EYS: variants seen among roughly 807,000 people sequenced by gnomAD.
EYS encodes the protein protein eyes shut homolog.
EYS carries 250 observed loss-of-function variants against 282.1 expected under a neutral mutation model. The ratio of observed to expected loss-of-function variants is 0.89; its 90% CI spans 0.80 to 0.98. The LOEUF is 0.98. EYS is among the 50% of genes least tolerant of loss of function. The pLI, the probability that EYS is intolerant of heterozygous loss-of-function variation, is 0.00. For missense variants in EYS, 4,016 were observed against 3,709.0 expected, an observed-to-expected ratio of 1.08 and a Z score of -2.15; for synonymous variants, 1,355 against 1,282.9, an observed-to-expected ratio of 1.06 and a Z score of -1.20.
At chr6:64,379,872 AT>A (rs1344450083) in intron 29 of EYS, among the ~76,000 whole-genome samples, 3 of 152,172 alleles carry the variant, frequency 2.0e-5, no homozygotes, top group Non-Finnish European at 4.4e-5. Flanking sequence ...ACTTAAAAAA[AT>A]AACGTAGTCC....
intron 12 of EYS, among the ~76,000 whole-genome samples, chr6:65,110,752 A>T (rs6931057): frequency 1.3e-5 from 2 of 151,896 alleles, no homozygotes; most frequent in African/African-American, 4.8e-5. Flanking sequence ...TGGATGTAGC[A>T]TTGTGTCAAG....
At position 64,164,248 on chromosome 6, in the gene EYS, T is replaced by C. The variant is rs140428598; in HGVS notation, c.6424+66344A>G. ...TTTATCCCAGCACAGAGTTTGTTTT[T>C]TAGTTGCTTTAAAACGGAGACTATA... On this transcript the variant is annotated intron_variant, in intron 31 of 42. Coordinates refer to ENST00000503581, the MANE Select transcript of EYS (RefSeq NM_001142800.2). Among the ~76,000 whole-genome samples the C allele has an allele frequency of 9.0e-4, 137 of 152,244 alleles. 3 individuals are homozygous for C. The East Asian group carries it at 0.023, about 25-fold the overall frequency.
At chr6:63,794,997 GGAAGTGACTCTACAT>G (rs1770608125) in intron 37 of EYS, among the ~76,000 whole-genome samples, 1 of 152,180 alleles carries the variant, frequency 6.6e-6, no homozygotes. Flanking sequence ...GGAAACAATA[GGAAGTGACTCTACAT>G]GAATAGTAGT....
chr6:64,386,904 T>G (rs681665), intron 29 of EYS, among the ~76,000 whole-genome samples: 89,532 of 151,938 alleles, frequency 0.59, 27,439 homozygotes, highest in Non-Finnish European at 0.68. Context: ...GCTATCAGAG[T>G]GAACATAGCA....
intron 12 of EYS, among the ~76,000 whole-genome samples, chr6:65,168,771 G>A (rs975139444): frequency 2.6e-5 from 4 of 151,068 alleles, no homozygotes; most frequent in African/African-American, 7.3e-5. Context: ...CTTTCAAGAC[G>A]GGATTTTACT....
At chr6:64,996,887 G>A (rs948065450) in intron 14 of EYS, among the ~76,000 whole-genome samples, 2 of 152,140 alleles carry the variant, frequency 1.3e-5, no homozygotes, top group African/African-American at 4.8e-5. Flanking sequence ...CTGTTGTTAA[G>A]TAACAAACTA....
chr6:64,735,703 A>G (rs1414279977), intron 22 of EYS, among the ~76,000 whole-genome samples: 1 of 152,204 alleles, frequency 6.6e-6, no homozygotes, highest in Non-Finnish European at 1.5e-5. Flanking sequence ...AATATTTACA[A>G]TTGTTACAAT....
At chr6:65,243,616 T>C (rs989822810) in intron 12 of EYS, among the ~76,000 whole-genome samples, 1 of 152,226 alleles carries the variant, frequency 6.6e-6, no homozygotes, top group African/African-American at 2.4e-5. Flanking sequence ...TTTTTTTCTT[T>C]TTTTATAAAT....
At chr6:64,217,453 C>A (rs758041037) in intron 31 of EYS, among the ~76,000 whole-genome samples, 12 of 152,092 alleles carry the variant, frequency 7.9e-5, no homozygotes, top group Non-Finnish European at 1.8e-4. Context: ...CCCTTGAACC[C>A]AGGAGACAGA....
At chr6:64,982,578 G>T (rs192818942) in intron 14 of EYS, among the ~76,000 whole-genome samples, 2 of 151,128 alleles carry the variant, frequency 1.3e-5, no homozygotes, top group African/African-American at 2.4e-5. Flanking sequence ...TTGGCAGAAG[G>T]CTGACTAAAT....
intron 1 of EYS, among the ~76,000 whole-genome samples, chr6:65,648,258 CAA>C (rs374151844): frequency 9.3e-5 from 14 of 150,608 alleles, no homozygotes; most frequent in African/African-American, 3.4e-4. Context: ...TCTGCAATTG[CAA>C]AAAATGGAAT....
chr6:64,357,002 A>C (rs139219184), intron 29 of EYS, among the ~76,000 whole-genome samples: 2 of 151,714 alleles, frequency 1.3e-5, no homozygotes, highest in Non-Finnish European at 3.0e-5. Flanking sequence ...AAATATACTT[A>C]AAATGCTATT....
chr6:64,120,700 A>T (rs1582298288), intron 31 of EYS, among the ~76,000 whole-genome samples: 1 of 152,304 alleles, frequency 6.6e-6, no homozygotes, highest in Middle Eastern at 3.4e-3. Context: ...GATGGTGCTT[A>T]TAGGAACATA....
chr6:63,943,222 C>A (rs1442266046), intron 35 of EYS, among the ~76,000 whole-genome samples: 1 of 152,086 alleles, frequency 6.6e-6, no homozygotes, highest in African/African-American at 2.4e-5. Context: ...ACAACAAAAA[C>A]AATAGAAAGA....
At chr6:64,411,370 G>A (rs1366104190) in intron 28 of EYS, among the ~76,000 whole-genome samples, 1 of 151,964 alleles carries the variant, frequency 6.6e-6, no homozygotes, top group Non-Finnish European at 1.5e-5. Context: ...CAAATTTGGA[G>A]AATTAAATAA....
intron 1 of EYS, among the ~76,000 whole-genome samples, chr6:65,686,951 C>T (rs974346040): frequency 6.6e-6 from 1 of 151,054 alleles, no homozygotes; most frequent in Non-Finnish European, 1.5e-5. Flanking sequence ...CTATTTAAAT[C>T]GATTTTATTA....
intron 26 of EYS, among the ~76,000 whole-genome samples, chr6:64,539,581 G>GA (rs1401080686): frequency 6.6e-6 from 1 of 151,964 alleles, no homozygotes; most frequent in Non-Finnish European, 1.5e-5. Context: ...AAAGAAGCCA[G>GA]AAAAACAAAA....
chr6:65,386,729 T>C (rs9342472), intron 7 of EYS, among the ~76,000 whole-genome samples: 62,831 of 151,844 alleles, frequency 0.41, 13,999 homozygotes, highest in South Asian at 0.5. Context: ...AGCTAACTAA[T>C]TTGAGCTACT....
chr6:65,208,921 C>A (rs1207047951), intron 12 of EYS, among the ~76,000 whole-genome samples: 3 of 151,778 alleles, frequency 2.0e-5, no homozygotes, highest in Non-Finnish European at 4.4e-5. Flanking sequence ...AACCTACTCA[C>A]GTGCATCCTG....
Sources: allele counts gnomAD v4.1 joint callset (sites outside exome capture counted in the v4.1 genomes callset), GRCh38; gene constraint gnomAD v4.1.1; transcripts MANE v1.5; gene names NCBI Gene and HGNC (gene_info 2026-07-23, HGNC 2026-07-21).